SLC45A2: variants seen among roughly 807,000 people sequenced by gnomAD.
The protein encoded by SLC45A2 is solute carrier family 45 member 2.
A neutral mutation model predicts 45.5 loss-of-function variants in SLC45A2; 36 were observed. That is an observed-to-expected ratio of 0.79 (90% CI 0.61 to 1.04). The LOEUF is 1.04. SLC45A2 is among the 50% of genes least tolerant of loss of function. The pLI is 0.00. For missense variants in SLC45A2, 719 were observed against 671.0 expected (o/e 1.07, Z -0.79); for synonymous variants, 306 against 269.3 (o/e 1.14, Z -1.33).
At chr5:33,978,500 A>G (rs77175283) in intron 2 of SLC45A2, among the ~76,000 whole-genome samples, 6,684 of 152,146 alleles carry the variant, frequency 0.044, 293 homozygotes, top group South Asian at 0.23. Context: ...GAAACTTGCT[A>G]TCTGGAGGCC....
chr5:33,972,226 G>C (rs1752805244), intron 2 of SLC45A2: 1 of 524,904 alleles, frequency 1.9e-6, no homozygotes, highest in South Asian at 1.4e-5. Context: ...CTGACAGAGA[G>C]ATTCAGAGAA....
chr5:33,952,913 A>T (rs1446755340), intron 4 of SLC45A2, among the ~76,000 whole-genome samples: 1 of 100,922 alleles, frequency 9.9e-6, no homozygotes, highest in East Asian at 2.8e-4. Flanking sequence ...CTCATTGTTC[A>T]ATTCCCACCT....
intron 2 of SLC45A2, among the ~76,000 whole-genome samples, chr5:33,969,299 T>TA (rs201971086): frequency 0.016 from 2,351 of 148,778 alleles, 26 homozygotes; most frequent in Middle Eastern, 0.035. Context: ...TAAATTAAAA[T>TA]AAAAAAAAAA....
intron 1 of SLC45A2, among the ~76,000 whole-genome samples, chr5:33,983,728 G>A (rs1753148555): frequency 6.6e-6 from 1 of 152,206 alleles, no homozygotes; most frequent in Non-Finnish European, 1.5e-5. Context: ...GAGCTGATGG[G>A]CTTATGCCCT....
At chr5:33,950,929 G>A (rs1752079040) in intron 5 of SLC45A2, among the ~76,000 whole-genome samples, 1 of 152,186 alleles carries the variant, frequency 6.6e-6, no homozygotes, top group Admixed American at 6.5e-5. Flanking sequence ...GCAATGCCCT[G>A]GAGTTATAGC....
rs185468852 is a variant in SLC45A2 at position 33,970,343 on chromosome 5, C to A, written c.563-6327G>T. On this transcript the variant is annotated intron_variant, in intron 2 of 6. Coordinates refer to ENST00000296589, the MANE Select transcript of SLC45A2 (RefSeq NM_016180.5). The stretch of plus-strand genomic sequence containing the variant: ...ACTGGATTAATCTTCCCTCATTCAT[C>A]CCCTACATGGAGAGTTCTTTGGTGC... Among the ~76,000 whole-genome samples, 151 of 152,370 alleles carry A rather than the reference C, an allele frequency of 9.9e-4. No homozygotes were observed. In the Middle Eastern group the frequency reaches 0.02, roughly 21 times the overall value.
intron 5 of SLC45A2, among the ~76,000 whole-genome samples, chr5:33,948,587 G>A (rs577417499): frequency 6.6e-6 from 1 of 152,338 alleles, no homozygotes; most frequent in South Asian, 2.1e-4. Flanking sequence ...ACTGATGGAA[G>A]ACAAAGATCT....
intron 3 of SLC45A2, among the ~76,000 whole-genome samples, chr5:33,962,665 G>A (rs28117): frequency 0.79 from 119,678 of 152,212 alleles, 50,747 homozygotes; most frequent in Non-Finnish European, 0.97. Flanking sequence ...GTAGGTAGAT[G>A]GAATTATTTT....
intron 2 of SLC45A2, among the ~76,000 whole-genome samples, chr5:33,973,332 A>T (rs1752837799): frequency 6.6e-6 from 1 of 152,196 alleles, no homozygotes; most frequent in Non-Finnish European, 1.5e-5. Context: ...CACAAGCTGA[A>T]ATCCCTGTAT....
intron 2 of SLC45A2, among the ~76,000 whole-genome samples, chr5:33,976,969 G>A (rs1752946113): frequency 6.6e-6 from 1 of 152,182 alleles, no homozygotes; most frequent in Non-Finnish European, 1.5e-5. Flanking sequence ...CGATTCCTGT[G>A]TTGATACTCT....
intron 1 of SLC45A2, among the ~76,000 whole-genome samples, chr5:33,983,820 T>C (rs1753151801): frequency 6.6e-6 from 1 of 152,234 alleles, no homozygotes; most frequent in Non-Finnish European, 1.5e-5. Context: ...TAAATATTTA[T>C]GGAGCTATTT....
chr5:33,950,442 T>C (rs1752065724), intron 5 of SLC45A2, among the ~76,000 whole-genome samples: 1 of 152,212 alleles, frequency 6.6e-6, no homozygotes, highest in South Asian at 2.1e-4. Flanking sequence ...AATTTTAAAA[T>C]AATGAATGTT....
At chr5:33,977,883 G>A (rs1214263675) in intron 2 of SLC45A2, among the ~76,000 whole-genome samples, 2 of 152,160 alleles carry the variant, frequency 1.3e-5, no homozygotes, top group African/African-American at 4.8e-5. Context: ...AGGCACATAG[G>A]GAGCCACTGA....
chr5:33,972,396 C>T (rs754100564), intron 2 of SLC45A2: 19 of 357,540 alleles, frequency 5.3e-5, no homozygotes, highest in African/African-American at 1.5e-4. Flanking sequence ...AGATTAGACA[C>T]GTTGAAAATC....
intron 3 of SLC45A2, among the ~76,000 whole-genome samples, chr5:33,959,418 T>C (rs1196737463): frequency 6.6e-6 from 1 of 152,012 alleles, no homozygotes; most frequent in Non-Finnish European, 1.5e-5. Context: ...TGAAGGAGAG[T>C]CAAAGAGTAC....
intron 5 of SLC45A2, among the ~76,000 whole-genome samples, chr5:33,950,077 G>A (rs1467256675): frequency 3.3e-5 from 5 of 151,950 alleles, no homozygotes; most frequent in Non-Finnish European, 7.4e-5. Context: ...TGTGCTTGTG[G>A]TCCCGGGTAC....
At chr5:33,965,085 C>G (rs1215876345) in intron 2 of SLC45A2, among the ~76,000 whole-genome samples, 1 of 152,230 alleles carries the variant, frequency 6.6e-6, no homozygotes, top group Non-Finnish European at 1.5e-5. Flanking sequence ...AAACTCCCAT[C>G]ATGCCTACCA....
rs141176076 is a variant in SLC45A2, at chr5:33,982,544, G to C, written c.386-132C>G. 2.7e-5 allele frequency: 24 copies of C among 888,046 alleles called. No homozygotes were observed. In the East Asian group the frequency reaches 6.4e-4, roughly 24 times the overall value. 55.0% of individuals were successfully genotyped at this position (888,046 alleles called of 1,614,324 possible). A position where few individuals can be genotyped will look rare whatever the true frequency, so the allele number is the denominator to read the frequency against. ...TTTTGCTTTTTTCCAAATAAAAATAGCTTTACATTTTTTTTCAGGTTTTAA... is the reference window on the plus strand; with the variant it reads ...TTTTGCTTTTTTCCAAATAAAAATACCTTTACATTTTTTTTCAGGTTTTAA... On this transcript the variant is annotated intron_variant, in intron 1 of 6. Transcript: ENST00000296589.
At chr5:33,959,142 C>T (rs1236566378) in intron 3 of SLC45A2, among the ~76,000 whole-genome samples, 1 of 152,034 alleles carries the variant, frequency 6.6e-6, no homozygotes, top group Non-Finnish European at 1.5e-5. Flanking sequence ...TCCTGTGAGC[C>T]TATCATCCAG....
Sources: allele counts gnomAD v4.1 joint callset (sites outside exome capture counted in the v4.1 genomes callset), GRCh38; gene constraint gnomAD v4.1.1; transcripts MANE v1.5; gene names NCBI Gene and HGNC (gene_info 2026-07-23, HGNC 2026-07-21).